Variants in CDKAL1 observed in about 807,000 individuals in gnomAD.
The protein encoded by CDKAL1 is CDKAL1 threonylcarbamoyladenosine tRNA methylthiotransferase.
CDKAL1 carries 32 observed loss-of-function variants against 68.2 expected under a neutral mutation model. The observed-to-expected ratio is 0.47, with a 90% CI of 0.35 to 0.63. The LOEUF (loss-of-function observed/expected upper bound fraction) is 0.63. Ranked by LOEUF, CDKAL1 falls within the 30% of genes least tolerant of loss-of-function variation. The pLI is 0.00. For missense variants in CDKAL1, 606 were observed against 696.7 expected (o/e 0.87, Z 1.47); for synonymous variants, 234 against 244.3 (o/e 0.96, Z 0.39).
chr6:20,737,713 A>G (rs1022675849), intron 5 of CDKAL1, among the ~76,000 whole-genome samples: 42 of 152,370 alleles, frequency 2.8e-4, no homozygotes, highest in Admixed American at 1.6e-3. Context: ...GAGCCAGGCA[A>G]TAATTCTCTT....
chr6:20,807,698 A>G (rs1355619142), intron 8 of CDKAL1, among the ~76,000 whole-genome samples: 23 of 152,258 alleles, frequency 1.5e-4, no homozygotes, highest in Admixed American at 1.5e-3. Context: ...CTGTAAAGTC[A>G]TTTTGATAGC....
intron 7 of CDKAL1, among the ~76,000 whole-genome samples, chr6:20,766,122 A>C (rs1166296727): frequency 6.6e-6 from 1 of 152,158 alleles, no homozygotes; most frequent in South Asian, 2.1e-4. Context: ...ATGGTCTTAC[A>C]TGCTTTTTGT....
chr6:21,006,299 T>C (rs978458176), intron 11 of CDKAL1, among the ~76,000 whole-genome samples: 1 of 151,852 alleles, frequency 6.6e-6, no homozygotes, highest in African/African-American at 2.4e-5. Flanking sequence ...AGAAAATAAA[T>C]GCAAAAGAAA....
At chr6:20,620,001 T>C (rs543952979) in intron 4 of CDKAL1, among the ~76,000 whole-genome samples, 236 of 152,350 alleles carry the variant, frequency 1.5e-3, no homozygotes, top group African/African-American at 5.4e-3. Flanking sequence ...AATCTACTTT[T>C]GTCTGTTTTG....
chr6:20,998,271 A>G (rs1303417689), intron 10 of CDKAL1, among the ~76,000 whole-genome samples: 1 of 152,160 alleles, frequency 6.6e-6, no homozygotes. Context: ...GCGTAATGTG[A>G]GTGTGGCTCT....
chr6:20,614,246 A>G (rs1046873552), intron 4 of CDKAL1, among the ~76,000 whole-genome samples: 7 of 152,128 alleles, frequency 4.6e-5, no homozygotes, highest in African/African-American at 1.7e-4. Flanking sequence ...TGAAGAAAAT[A>G]ATTACTTTTT....
chr6:20,859,548 C>T (rs1482135885), intron 9 of CDKAL1, among the ~76,000 whole-genome samples: 1 of 152,214 alleles, frequency 6.6e-6, no homozygotes, highest in African/African-American at 2.4e-5. Flanking sequence ...AGTTCTGTCA[C>T]CACTACACTG....
intron 4 of CDKAL1, among the ~76,000 whole-genome samples, chr6:20,570,426 A>C (rs1764652405): frequency 6.7e-6 from 1 of 149,314 alleles, no homozygotes; most frequent in South Asian, 2.1e-4. Flanking sequence ...TTTGAGACGA[A>C]GTCTCACTCT....
At chr6:21,079,976 C>CTCTGTGTGTGTGTGTGTGTG (rs1554171489) in intron 12 of CDKAL1, among the ~76,000 whole-genome samples, 54 of 135,838 alleles carry the variant, frequency 4.0e-4, no homozygotes, top group African/African-American at 1.2e-3. Flanking sequence ...AACTTTGTCT[C>CTCTGTGTGTGTGTGTGTGTG]TGTGTGTGTG....
At chr6:20,850,342 A>G (rs1758940679) in intron 9 of CDKAL1, among the ~76,000 whole-genome samples, 1 of 152,102 alleles carries the variant, frequency 6.6e-6, no homozygotes, top group Admixed American at 6.6e-5. Context: ...GATTTTTTTA[A>G]ACTCTATATC....
At chr6:21,186,048 C>T (rs1205056016) in intron 13 of CDKAL1, among the ~76,000 whole-genome samples, 1 of 151,538 alleles carries the variant, frequency 6.6e-6, no homozygotes, top group Non-Finnish European at 1.5e-5. Flanking sequence ...TCAGGGTCTC[C>T]CGGAGCTAAG....
At chr6:21,011,669 T>A (rs1366855689) in intron 11 of CDKAL1, among the ~76,000 whole-genome samples, 1 of 152,134 alleles carries the variant, frequency 6.6e-6, no homozygotes, top group Non-Finnish European at 1.5e-5. Flanking sequence ...CAGTGTTAAA[T>A]CCAGTATGCA....
intron 8 of CDKAL1, among the ~76,000 whole-genome samples, chr6:20,839,185 A>G (rs1778078377): frequency 6.6e-6 from 1 of 152,130 alleles, no homozygotes; most frequent in Non-Finnish European, 1.5e-5. Context: ...ATGTTAAAGA[A>G]TCACCTACAG....
chr6:20,836,430 A>C (rs1777949403), intron 8 of CDKAL1, among the ~76,000 whole-genome samples: 1 of 152,182 alleles, frequency 6.6e-6, no homozygotes, highest in South Asian at 2.1e-4. Context: ...AAAGAATAGA[A>C]TCTGGGAATC....
intron 9 of CDKAL1, 101 bp from the exon 10 acceptor site, chr6:20,955,318 A>G (rs1445703396): frequency 8.3e-7 from 1 of 1,199,798 alleles, no homozygotes; most frequent in Non-Finnish European, 1.2e-6. Context: ...GACTGCCTGA[A>G]TAATAGTGTT....
At chr6:21,016,254 G>A (rs552160303) in intron 11 of CDKAL1, among the ~76,000 whole-genome samples, 1 of 152,122 alleles carries the variant, frequency 6.6e-6, no homozygotes, top group East Asian at 1.9e-4. Flanking sequence ...TGAGGAAAGT[G>A]AAGCACAGAG....
intron 5 of CDKAL1, among the ~76,000 whole-genome samples, chr6:20,710,673 A>G (rs1771805265): frequency 1.3e-5 from 2 of 152,230 alleles, no homozygotes; most frequent in Non-Finnish European, 2.9e-5. Flanking sequence ...AGTGGAGGAG[A>G]TAACTAGGAC....
At chr6:20,894,476 C>A (rs1761574750) in intron 9 of CDKAL1, among the ~76,000 whole-genome samples, 1 of 143,290 alleles carries the variant, frequency 7.0e-6, no homozygotes, top group South Asian at 2.2e-4. Context: ...ATTAATACTT[C>A]AAATTTTTTT....
At chr6:21,155,941 G>A (rs1320196717) in intron 13 of CDKAL1, among the ~76,000 whole-genome samples, 1 of 152,118 alleles carries the variant, frequency 6.6e-6, no homozygotes, top group African/African-American at 2.4e-5. Flanking sequence ...CCCATAGTGG[G>A]TGATGAGTTA....
Sources: gnomAD v4.1 joint callset for allele counts (sites outside exome capture counted in the v4.1 genomes callset) on GRCh38, gnomAD v4.1.1 for gene constraint, MANE v1.5 for transcripts, NCBI Gene and HGNC (gene_info 2026-07-23, HGNC 2026-07-21) for gene names.